Variants in KANK1 observed in about 807,000 individuals in gnomAD.
KANK1 encodes the protein KN motif and ankyrin repeat domain-containing protein 1.
In KANK1, 109 loss-of-function variants were observed where a neutral mutation model predicts 106.2. The observed-to-expected ratio is 1.03, with a 90% CI of 0.88 to 1.20. The LOEUF (loss-of-function observed/expected upper bound fraction) is 1.20, where lower values mean the gene tolerates loss of function less well. Ranked by LOEUF, KANK1 falls within the 50% of genes most tolerant of loss-of-function variation. The pLI is 0.00. For missense variants in KANK1, 2,399 were observed against 1,710.7 expected, an observed-to-expected ratio of 1.40 and a Z score of -7.10; for synonymous variants, 873 against 652.2, an observed-to-expected ratio of 1.34 and a Z score of -5.16.
At chr9:721,426 G>C (rs892743708) in intron 3 of KANK1, among the ~76,000 whole-genome samples, 1 of 152,118 alleles carries the variant, frequency 6.6e-6, no homozygotes, top group Non-Finnish European at 1.5e-5. Context: ...AGAAAAAGGG[G>C]GGGCCATATG....
chr9:633,986 G>T (rs533739300), intron 1 of KANK1, among the ~76,000 whole-genome samples: 1 of 152,290 alleles, frequency 6.6e-6, no homozygotes, highest in Non-Finnish European at 1.5e-5. Context: ...AGAAAACCTT[G>T]AAACAAATTG....
At chr9:541,199 C>G (rs543458637) in intron 1 of KANK1, among the ~76,000 whole-genome samples, 10 of 152,104 alleles carry the variant, frequency 6.6e-5, no homozygotes, top group African/African-American at 2.4e-4. Context: ...AAGCTGTCAT[C>G]AAAACAGCAT....
intron 1 of KANK1, among the ~76,000 whole-genome samples, chr9:609,587 T>C (rs941560686): frequency 2.6e-5 from 4 of 152,018 alleles, no homozygotes; most frequent in Non-Finnish European, 5.9e-5. Flanking sequence ...CTGAGATCGC[T>C]CCACTGTACT....
At chr9:741,267 G>A (rs1835414501) in intron 9 of KANK1, among the ~76,000 whole-genome samples, 1 of 151,942 alleles carries the variant, frequency 6.6e-6, no homozygotes, top group Admixed American at 6.6e-5. Context: ...TCCTGTCTCT[G>A]TGTTGTACTG....
At chr9:507,949 G>T (rs1267623766) in intron 1 of KANK1, among the ~76,000 whole-genome samples, 1 of 151,634 alleles carries the variant, frequency 6.6e-6, no homozygotes, top group African/African-American at 2.4e-5. Flanking sequence ...CTCCCAAAGT[G>T]CTGAGGGATT....
rs747999510 is a variant in KANK1 at position 492,885 on chromosome 9, G to A, written c.-362+19612G>A. On this transcript the variant is annotated intron_variant, in intron 3 of 15. Transcript: ENST00000382303. ...ACTAAAAATACAAAATTAGCCGGGC[G>A]TGGTGACCCTTACCTGTAATCCCAG... Among the ~76,000 whole-genome samples, 11 of 152,022 alleles carry A rather than the reference G, an allele frequency of 7.2e-5. No individual in the cohort carries two copies. In the South Asian group the frequency reaches 1.0e-3, roughly 14 times the overall value.
Position 732,389 on chromosome 9 carries a change from C to A in KANK1, c.3017C>A (p.Thr1006Asn). The change falls in exon 6 of 12, where the codon ACT (threonine) becomes AAT (asparagine). Residue 1006 changes from threonine to asparagine, a missense_variant. Transcript: ENST00000382297. ...FVGINGGYET[T>N]SSDDSSSDES... ...CAATTGCCACCTAGGTATGAAACAA[C>A]TTCAAGTGATGATTCCAGCTCAGAT... The A allele has an allele frequency of 6.2e-7, 1 of 1,611,344 alleles. No individual in the cohort carries two copies. The highest frequency in any genetic ancestry group is 8.5e-7 in the Non-Finnish European group (1 of 1,177,618).
intron 1 of KANK1, among the ~76,000 whole-genome samples, chr9:592,563 G>T (rs10975311): frequency 2.0e-5 from 3 of 151,404 alleles, no homozygotes; most frequent in African/African-American, 4.9e-5. Context: ...CTGCCGGTCA[G>T]ACCTGGCAAG....
At chr9:505,161 G>A (rs1449925099) in intron 1 of KANK1, among the ~76,000 whole-genome samples, 2 of 152,112 alleles carry the variant, frequency 1.3e-5, no homozygotes, top group Non-Finnish European at 2.9e-5. Flanking sequence ...GATGCCTCTG[G>A]GCCCTTCCCT....
Position 730,298 on chromosome 9 carries a change from T to C in KANK1, c.2896+50T>C, listed in dbSNP as rs760774353. On this transcript the variant is annotated intron_variant, in intron 4 of 11. Coordinates refer to ENST00000382297, the MANE Select transcript of KANK1 (RefSeq NM_015158.5). ...TGGCATCAGGATTCTAGGGCCAGCATTGCCAGCATTCCAATTTAATGTCAA... is the reference window on the plus strand; with the variant it reads ...TGGCATCAGGATTCTAGGGCCAGCACTGCCAGCATTCCAATTTAATGTCAA... The C allele has an allele frequency of 3.3e-6, 5 of 1,536,784 alleles. No individual in the cohort carries two copies. In the Admixed American group the frequency reaches 5.0e-5, roughly 15 times the overall value.
chr9:591,422 T>A (rs891133712), intron 1 of KANK1, among the ~76,000 whole-genome samples: 8 of 151,830 alleles, frequency 5.3e-5, no homozygotes, highest in African/African-American at 1.9e-4. Flanking sequence ...CCTGAGCTCG[T>A]CATGGCATTC....
At chr9:530,328 G>C (rs1023357965) in intron 1 of KANK1, among the ~76,000 whole-genome samples, 2 of 151,926 alleles carry the variant, frequency 1.3e-5, no homozygotes, top group Non-Finnish European at 2.9e-5. Flanking sequence ...AAATGTCCAG[G>C]GTTTCTTTTG....
chr9:572,917 C>T (rs1176896272), intron 1 of KANK1, among the ~76,000 whole-genome samples: 1 of 152,158 alleles, frequency 6.6e-6, no homozygotes, highest in Non-Finnish European at 1.5e-5. Context: ...TTAGGACTTG[C>T]CTTTTCATAC....
intron 2 of KANK1, among the ~76,000 whole-genome samples, chr9:706,026 A>G (rs886361790): frequency 6.6e-6 from 1 of 152,222 alleles, no homozygotes; most frequent in Non-Finnish European, 1.5e-5. Flanking sequence ...TGCCTAATTT[A>G]TGTTGATGTA....
intron 1 of KANK1, among the ~76,000 whole-genome samples, chr9:557,947 G>A (rs899199230): frequency 6.6e-6 from 1 of 152,174 alleles, no homozygotes; most frequent in Non-Finnish European, 1.5e-5. Context: ...TGAGGCTACA[G>A]TGAGCTATGA....
chr9:569,259 T>C (rs552875570), intron 1 of KANK1, among the ~76,000 whole-genome samples: 23 of 152,218 alleles, frequency 1.5e-4, no homozygotes, highest in Non-Finnish European at 2.8e-4. Context: ...CAGTATGTTA[T>C]AGTGCTTGCT....
chr9:738,503 C>G lies in KANK1; in HGVS notation c.3552C>G (p.Ala1184=), dbSNP rs766169056. 2 of 1,612,164 alleles carry G rather than the reference C, an allele frequency of 1.2e-6. No homozygotes were observed. Among genetic ancestry groups the G allele is most frequent in the East Asian group, 4.5e-5 (2 of 44,872 alleles). The change falls in exon 8 of 12, where the codon GCC becomes GCG. Residue 1184 remains alanine (A), a splice_region_variant and synonymous_variant. Coordinates refer to ENST00000382297, the MANE Select transcript of KANK1 (RefSeq NM_015158.5). The stretch of plus-strand genomic sequence containing the variant: ...AGATTGTGAAGCTGCTGTTAGATGC[C>G]GGTATGTTGGCTGCCCTTCCACCCT... ...NFEIVKLLLD[A]DVCNVDHQNK...
At position 732,635 on chromosome 9, in the gene KANK1, T is replaced by G. The variant is rs1564108346; in HGVS notation, c.3245+18T>G. 1.9e-6 allele frequency: 3 copies of G among 1,608,300 alleles called. No homozygotes were observed. The highest frequency in any genetic ancestry group is 1.3e-5 in the African/African-American group (1 of 74,840). On this transcript the variant is annotated intron_variant, in intron 6 of 11. Coordinates refer to ENST00000382297, the MANE Select transcript of KANK1 (RefSeq NM_015158.5). Reference sequence around the variant, plus strand: ...AGAGAGAGGTGTGGTACATTCCCCTTCCCTCCCTTGCCCCTCCCACATTTA... The same window carrying G: ...AGAGAGAGGTGTGGTACATTCCCCTGCCCTCCCTTGCCCCTCCCACATTTA...
At chr9:737,997 G>A (rs955314442) in intron 7 of KANK1, among the ~76,000 whole-genome samples, 2 of 152,178 alleles carry the variant, frequency 1.3e-5, no homozygotes, top group African/African-American at 2.4e-5. Flanking sequence ...AAAGCTTTTA[G>A]GTAGCAGAGC....
Sources: gnomAD v4.1 joint callset for allele counts (sites outside exome capture counted in the v4.1 genomes callset) on GRCh38, gnomAD v4.1.1 for gene constraint, MANE v1.5 for transcripts, NCBI Gene and HGNC (gene_info 2026-07-23, HGNC 2026-07-21) for gene names.